ITGA9: variants seen among roughly 807,000 people sequenced by gnomAD.
ITGA9 encodes integrin subunit alpha 9.
A neutral mutation model predicts 127.8 loss-of-function variants in ITGA9; 56 were observed. The observed-to-expected ratio is 0.44, with a 90% CI of 0.35 to 0.55. ITGA9 has a LOEUF of 0.55. Ranked by LOEUF, ITGA9 falls within the 20% of genes least tolerant of loss-of-function variation. The pLI, the probability that ITGA9 is intolerant of heterozygous loss-of-function variation, is 0.00. For missense variants in ITGA9, 1,196 were observed against 1,347.1 expected (o/e 0.89, Z 1.76); for synonymous variants, 508 against 514.5 (o/e 0.99, Z 0.17).
At chr3:37,672,082 T>C (rs978590771) in intron 17 of ITGA9, among the ~76,000 whole-genome samples, 3 of 152,140 alleles carry the variant, frequency 2.0e-5, no homozygotes, top group Non-Finnish European at 2.9e-5. Flanking sequence ...ACAAGCTGTA[T>C]AAGGGTATCA....
chr3:37,805,893 G>C (rs1697289793), intron 27 of ITGA9: 1 of 149,556 alleles, frequency 6.7e-6, no homozygotes, highest in Non-Finnish European at 1.5e-5. Context: ...GGGTGGTCTT[G>C]AACTCTTGAC....
intron 13 of ITGA9, among the ~76,000 whole-genome samples, chr3:37,533,008 G>T (rs964275306): frequency 6.6e-6 from 1 of 152,094 alleles, no homozygotes; most frequent in East Asian, 1.9e-4. Flanking sequence ...TACTTAATTG[G>T]TAAAATTTTA....
At chr3:37,679,742 T>C (rs1295498692) in intron 17 of ITGA9, among the ~76,000 whole-genome samples, 1 of 152,198 alleles carries the variant, frequency 6.6e-6, no homozygotes, top group East Asian at 1.9e-4. Context: ...TAGTTATTTA[T>C]TGAAGAAGAA....
At chr3:37,484,270 T>C (rs10510691) in intron 4 of ITGA9, among the ~76,000 whole-genome samples, 17,104 of 152,190 alleles carry the variant, frequency 0.11, 1,083 homozygotes, top group Middle Eastern at 0.17. Context: ...TGAAAGTTTC[T>C]GTAGTTCTTG....
chr3:37,695,857 G>A (rs2125669927), intron 18 of ITGA9, among the ~76,000 whole-genome samples: 1 of 152,284 alleles, frequency 6.6e-6, no homozygotes. Context: ...ATAAGAAATG[G>A]GCATTTCAGG....
intron 15 of ITGA9, among the ~76,000 whole-genome samples, chr3:37,574,906 T>G (rs1699638401): frequency 6.6e-6 from 1 of 152,166 alleles, no homozygotes; most frequent in South Asian, 2.1e-4. Context: ...GACCTGGAAC[T>G]CATTCTCAGA....
chr3:37,708,501 C>T (rs964419394), intron 18 of ITGA9, among the ~76,000 whole-genome samples: 17 of 152,188 alleles, frequency 1.1e-4, no homozygotes, highest in Admixed American at 3.9e-4. Context: ...AACCTCTGAG[C>T]GGTAGGTATA....
At position 37,490,079 on chromosome 3, in the gene ITGA9, G is replaced by T. The variant is rs377556141; in HGVS notation, c.545-4422G>T. Among the ~76,000 whole-genome samples, 599 of 152,168 alleles carry T rather than the reference G, an allele frequency of 3.9e-3. 3 individuals are homozygous for T. Among genetic ancestry groups the T allele is most frequent in the African/African-American group, 0.013 (538 of 41,514 alleles). Reference sequence around the variant, plus strand: ...TCCTGAGTGGCGGGGTGAGTAGTTTGGTGGGAAGGGTGGTTACAGAACAGG... The same window carrying T: ...TCCTGAGTGGCGGGGTGAGTAGTTTTGTGGGAAGGGTGGTTACAGAACAGG... On this transcript the variant is annotated intron_variant, in intron 4 of 27. Transcript: ENST00000264741.
intron 15 of ITGA9, among the ~76,000 whole-genome samples, chr3:37,608,771 A>T (rs1270938615): frequency 5.3e-5 from 8 of 152,098 alleles, no homozygotes; most frequent in Non-Finnish European, 2.9e-5. Flanking sequence ...ATACGTCTAG[A>T]GGATTTTTGT....
intron 15 of ITGA9, among the ~76,000 whole-genome samples, chr3:37,560,788 A>G (rs1159269030): frequency 6.6e-6 from 1 of 152,214 alleles, no homozygotes; most frequent in East Asian, 1.9e-4. Flanking sequence ...TCAGTTTGCT[A>G]GAGCTGCCAT....
At chr3:37,453,607 C>G (rs1156707636) in intron 1 of ITGA9, among the ~76,000 whole-genome samples, 1 of 152,262 alleles carries the variant, frequency 6.6e-6, no homozygotes, top group East Asian at 1.9e-4. Flanking sequence ...AGGTGACAGC[C>G]AGGCCGGGGT....
intron 4 of ITGA9, among the ~76,000 whole-genome samples, chr3:37,492,694 A>G (rs1025203394): frequency 6.6e-6 from 1 of 152,216 alleles, no homozygotes; most frequent in Non-Finnish European, 1.5e-5. Context: ...TGTGTCTTGC[A>G]CTATAGTTTC....
chr3:37,689,065 G>C (rs1700806725), intron 18 of ITGA9, among the ~76,000 whole-genome samples: 1 of 151,702 alleles, frequency 6.6e-6, no homozygotes, highest in Admixed American at 6.6e-5. Context: ...TGGGTGGATG[G>C]GTGGGCGGGT....
chr3:37,491,276 A>G (rs1698670429), intron 4 of ITGA9, among the ~76,000 whole-genome samples: 1 of 152,268 alleles, frequency 6.6e-6, no homozygotes. Context: ...CGTGCTGGCC[A>G]GCTTCCCCAA....
At chr3:37,506,912 C>A (rs976593447) in intron 7 of ITGA9, among the ~76,000 whole-genome samples, 1 of 152,172 alleles carries the variant, frequency 6.6e-6, no homozygotes, top group Admixed American at 6.5e-5. Context: ...GAAGTGGAAT[C>A]TGGATTCTGG....
chr3:37,478,806 A>G (rs911145875), intron 3 of ITGA9, among the ~76,000 whole-genome samples: 1 of 152,208 alleles, frequency 6.6e-6, no homozygotes, highest in Non-Finnish European at 1.5e-5. Context: ...TTCCTTTGAC[A>G]CTTTGATCTC....
intron 18 of ITGA9, among the ~76,000 whole-genome samples, chr3:37,698,733 G>C (rs1446826700): frequency 6.6e-6 from 1 of 152,076 alleles, no homozygotes; most frequent in Admixed American, 6.5e-5. Flanking sequence ...TCACTGTTTA[G>C]CTTTATTAGA....
intron 18 of ITGA9, among the ~76,000 whole-genome samples, chr3:37,725,150 G>A (rs1271611265): frequency 1.3e-5 from 2 of 152,312 alleles, no homozygotes; most frequent in Middle Eastern, 3.4e-3. Context: ...TCTGCTCAGG[G>A]ATCAACAGGA....
intron 15 of ITGA9, among the ~76,000 whole-genome samples, chr3:37,598,367 GA>G (rs1232877461): frequency 1.3e-5 from 2 of 152,180 alleles, no homozygotes; most frequent in Admixed American, 6.5e-5. Context: ...TGGGGGAGGG[GA>G]TGGTGCCAGG....
Sources: gnomAD v4.1 joint callset for allele counts (sites outside exome capture counted in the v4.1 genomes callset) on GRCh38, gnomAD v4.1.1 for gene constraint, MANE v1.5 for transcripts, NCBI Gene and HGNC (gene_info 2026-07-23, HGNC 2026-07-21) for gene names.